PLCG2: variants seen among roughly 807,000 people sequenced by gnomAD.
PLCG2 encodes 1-phosphatidylinositol 4,5-bisphosphate phosphodiesterase gamma-2.
Under a neutral mutation model 175.6 loss-of-function variants are expected in PLCG2, and 69 were observed. The ratio of observed to expected loss-of-function variants is 0.39; its 90% CI spans 0.32 to 0.48. The LOEUF (loss-of-function observed/expected upper bound fraction) is 0.48, where lower values mean the gene tolerates loss of function less well. PLCG2 is among the 20% of genes least tolerant of loss of function. The pLI is 0.91. For missense variants in PLCG2, 1,798 were observed against 1,650.9 expected, an observed-to-expected ratio of 1.09 and a Z score of -1.54; for synonymous variants, 827 against 624.0, an observed-to-expected ratio of 1.33 and a Z score of -4.85.
At chr16:81,803,708 G>A (rs1171561969) in intron 2 of PLCG2, among the ~76,000 whole-genome samples, 1 of 124,250 alleles carries the variant, frequency 8.0e-6, no homozygotes, top group Non-Finnish European at 1.6e-5. Context: ...ACTCTCTACA[G>A]TCTCACTGTG....
intron 2 of PLCG2, among the ~76,000 whole-genome samples, chr16:81,820,941 A>G (rs1431093470): frequency 6.9e-6 from 1 of 144,642 alleles, no homozygotes; most frequent in Non-Finnish European, 1.5e-5. Flanking sequence ...TTTTTAGTAG[A>G]GATGGGGGCC....
intron 2 of PLCG2, among the ~76,000 whole-genome samples, chr16:81,806,225 C>T (rs546163257): frequency 6.6e-6 from 1 of 151,956 alleles, no homozygotes; most frequent in African/African-American, 2.4e-5. Flanking sequence ...TAGCACAGAT[C>T]TAGATTATAC....
At chr16:81,764,179 A>G (rs950784878) in intron 2 of PLCG2, among the ~76,000 whole-genome samples, 1 of 151,994 alleles carries the variant, frequency 6.6e-6, no homozygotes, top group African/African-American at 2.4e-5. Context: ...CTGTATCCCT[A>G]GCTACTCCGG....
Position 81,883,324 on chromosome 16 carries a change from C to G in PLCG2, c.748C>G (p.Leu250Val). Residue 250 changes from leucine to valine, a missense_variant, in exon 9 of 33, where the codon CTC (leucine) becomes GTC (valine). Transcript: ENST00000564138. ...AVYLHDFQRFLIHEQQEHWAQ... is the reference protein window; with the variant it reads ...AVYLHDFQRFVIHEQQEHWAQ... ...TTACCTGCATGACTTCCAGAGGTTT[C>G]TCATACATGAACAGCAGGTGAGAGC... is the stretch of plus-strand genomic sequence containing the variant. 1 of 1,614,052 alleles carries G rather than the reference C, an allele frequency of 6.2e-7. No homozygotes were observed. The highest frequency in any genetic ancestry group is 8.5e-7 in the Non-Finnish European group (1 of 1,179,970).
intron 5 of PLCG2, among the ~76,000 whole-genome samples, chr16:81,863,755 C>T (rs866371631): frequency 1.7e-4 from 26 of 152,338 alleles, no homozygotes; most frequent in Non-Finnish European, 3.4e-4. Context: ...CCCTTGCCCC[C>T]TTGGCGTATA....
chr16:81,843,023 A>T (rs1379332748), intron 2 of PLCG2, among the ~76,000 whole-genome samples: 1 of 128,572 alleles, frequency 7.8e-6, no homozygotes, highest in African/African-American at 3.1e-5. Context: ...GGAAGACCCG[A>T]GGTGATGCTG....
intron 23 of PLCG2, among the ~76,000 whole-genome samples, chr16:81,928,082 G>A (rs974271074): frequency 6.6e-6 from 1 of 152,124 alleles, no homozygotes; most frequent in Admixed American, 6.5e-5. Flanking sequence ...GATGGTTCAA[G>A]GGTGCAATGG....
At position 81,956,679 on chromosome 16, in the gene PLCG2, C is replaced by T; in HGVS notation, c.3571-16C>T. 1 of 1,610,930 alleles carries T rather than the reference C, an allele frequency of 6.2e-7. No individual in the cohort carries two copies. The highest frequency in any genetic ancestry group is 2.2e-5 in the East Asian group (1 of 44,850). ...TGTAGTCACCACATGGTTGTTCTCT[C>T]CCCTGCATCCTCCAGGAGAGCGAAG... On this transcript the variant is annotated splice_polypyrimidine_tract_variant and intron_variant, in intron 31 of 32. Transcript: ENST00000564138.
chr16:81,937,161 T>C (rs12325524), intron 27 of PLCG2, among the ~76,000 whole-genome samples: 72,824 of 152,060 alleles, frequency 0.48, 18,128 homozygotes, highest in African/African-American at 0.61. Context: ...CTGCCCTCCA[T>C]AGAGATCGTG....
intron 25 of PLCG2, among the ~76,000 whole-genome samples, chr16:81,933,359 G>A (rs920281678): frequency 5.9e-5 from 9 of 152,296 alleles, no homozygotes; most frequent in African/African-American, 1.9e-4. Flanking sequence ...ACCAGCGGCG[G>A]ATAAACTCTT....
Position 81,803,561 on chromosome 16 carries a change from CCTTT to C in PLCG2, c.193+17381_193+17384del, listed in dbSNP as rs1911845138. Among the ~76,000 whole-genome samples, 3 of 142,732 alleles carry C rather than the reference CCTTT, an allele frequency of 2.1e-5. No homozygotes were observed. The South Asian group carries it at 6.6e-4, about 32-fold the overall frequency. The allele number at this position is 142,732 out of a possible 152,430, so 93.6% of individuals were successfully genotyped here. A position where few individuals can be genotyped will look rare whatever the true frequency, so the allele number is the denominator to read the frequency against. On this transcript the variant is annotated intron_variant, in intron 2 of 32. Transcript: ENST00000564138. ...TTTTCTTTCTTTCCTTTCTTTCCTT[CCTTT>C]CCTTTCCTTTCCTTTCCTTTCTTTT...
chr16:81,937,910 C>A lies in PLCG2; in HGVS notation c.3198+7C>A. ...GATGACGCTGACAGTCAAGGTAAAG[C>A]CAGCCCTCCCTTCCTGCCAGGGGAG... On this transcript the variant is annotated splice_region_variant and intron_variant, in intron 28 of 32. Transcript: ENST00000564138. 1 of 1,613,600 alleles carries A rather than the reference C, an allele frequency of 6.2e-7. No individual in the cohort carries two copies. The highest frequency in any genetic ancestry group is 8.5e-7 in the Non-Finnish European group (1 of 1,179,656).
Position 81,939,957 on chromosome 16 carries a change from C to T in PLCG2, c.3379C>T (p.Pro1127Ser). Reference sequence around the variant, plus strand: ...GAAGGTGACATTTGAAATTTATGACCCAAACCTGGCATTTCTGCGCTTTGT... The same window carrying T: ...GAAGGTGACATTTGAAATTTATGACTCAAACCTGGCATTTCTGCGCTTTGT... ...QEKVTFEIYD[P>S]NLAFLRFVVY... is the part of the protein sequence containing the mutation. Residue 1127 changes from proline (P) to serine (S), a missense_variant, in exon 30 of 33, where the codon CCA (proline) becomes TCA (serine). Coordinates refer to ENST00000564138, the MANE Select transcript of PLCG2 (RefSeq NM_002661.5). 1 of 1,613,826 alleles carries T rather than the reference C, an allele frequency of 6.2e-7. No individual in the cohort carries two copies. Among genetic ancestry groups the T allele is most frequent in the Non-Finnish European group, 8.5e-7 (1 of 1,179,718 alleles).
At chr16:81,845,189 C>G (rs925812994) in intron 2 of PLCG2, among the ~76,000 whole-genome samples, 4 of 152,198 alleles carry the variant, frequency 2.6e-5, no homozygotes, top group African/African-American at 7.2e-5. Context: ...GATCCTCCTA[C>G]TTCAACCTCC....
At chr16:81,846,374 C>T (rs565966366) in intron 2 of PLCG2, among the ~76,000 whole-genome samples, 2 of 152,308 alleles carry the variant, frequency 1.3e-5, no homozygotes, top group East Asian at 3.9e-4. Flanking sequence ...CTTTATTCTG[C>T]TCGCCATCCC....
intron 2 of PLCG2, among the ~76,000 whole-genome samples, chr16:81,764,822 G>A (rs1375489309): frequency 6.6e-6 from 1 of 152,168 alleles, no homozygotes; most frequent in African/African-American, 2.4e-5. Context: ...GGGTGTGGTG[G>A]TTCAATCCCG....
rs372269946 is a variant in PLCG2, at chr16:81,919,610, A to C, written c.2181A>C (p.Arg727=). 251 of 1,614,002 alleles carry C rather than the reference A, an allele frequency of 1.6e-4. No individual in the cohort carries two copies. Among genetic ancestry groups the C allele is most frequent in the Non-Finnish European group, 2.0e-4 (234 of 1,180,026 alleles). The stretch of plus-strand genomic sequence containing the variant: ...ACTACGAGAAGCATTCACTCTACCG[A>C]AAGATGAGACTGCGCTACCCCGTGA... ...VSYYEKHSLY[R]KMRLRYPVTP... is the part of the protein sequence containing the mutation. The change falls in exon 20 of 33, where the codon CGA becomes CGC. Residue 727 remains arginine, a synonymous_variant. Coordinates refer to ENST00000564138, the MANE Select transcript of PLCG2 (RefSeq NM_002661.5).
At position 81,961,477 on chromosome 16, in the gene PLCG2, A is replaced by G; in HGVS notation, c.*3479A>G. 4.5e-6 allele frequency: 1 copy of G among 224,642 alleles called. No homozygotes were observed. Among genetic ancestry groups the G allele is most frequent in the Non-Finnish European group, 8.9e-6 (1 of 112,760 alleles). The allele number at this position is 224,642 out of a possible 1,614,324, so 13.9% of individuals were successfully genotyped here. On this transcript the variant is annotated 3_prime_UTR_variant, in exon 33 of 33. Transcript: ENST00000564138. ...CCAGAGGAAAATTTTAAAGGCTTAC[A>G]GCCTTAGGATTATAGGATACTATAT...
chr16:81,800,541 G>A lies in PLCG2; in HGVS notation c.193+14359G>A, dbSNP rs183207603. 1.7e-4 allele frequency among the ~76,000 whole-genome samples: 26 copies of A among 152,226 alleles called. No individual in the cohort carries two copies. The East Asian group carries it at 4.0e-3, about 24-fold the overall frequency. On this transcript the variant is annotated intron_variant, in intron 2 of 32. Coordinates refer to ENST00000564138, the MANE Select transcript of PLCG2 (RefSeq NM_002661.5). Reference sequence around the variant, plus strand: ...TCATCTATGTCCCTGCGAAGGACACGATCTCGTTCCGTTTTATGGCTGCAT... The same window carrying A: ...TCATCTATGTCCCTGCGAAGGACACAATCTCGTTCCGTTTTATGGCTGCAT...
Sources: gnomAD v4.1 joint callset for allele counts (sites outside exome capture counted in the v4.1 genomes callset) on GRCh38, gnomAD v4.1.1 for gene constraint, MANE v1.5 for transcripts, NCBI Gene and HGNC (gene_info 2026-07-23, HGNC 2026-07-21) for gene names.